TRIM35: variants seen among roughly 807,000 people sequenced by gnomAD.
TRIM35 encodes E3 ubiquitin-protein ligase TRIM35.
Under a neutral mutation model 49.1 loss-of-function variants are expected in TRIM35, and 37 were observed. The observed-to-expected ratio is 0.75, with a 90% confidence interval of 0.58 to 0.99. The LOEUF (loss-of-function observed/expected upper bound fraction) is 0.99, where lower values mean the gene tolerates loss of function less well. Ranked by LOEUF, TRIM35 falls within the 50% of genes least tolerant of loss-of-function variation. TRIM35 has a pLI of 0.00. For synonymous variants in TRIM35, 302 were observed against 289.3 expected (o/e 1.04, Z -0.45); for missense variants, 648 against 702.7 (o/e 0.92, Z 0.88).
chr8:27,297,420 G>A (rs1272762227), intron 2 of TRIM35, among the ~76,000 whole-genome samples: 2 of 152,222 alleles, frequency 1.3e-5, no homozygotes, highest in Admixed American at 1.3e-4. Flanking sequence ...GTGCCAGGCA[G>A]AACAACCAGA....
At position 27,286,454 on chromosome 8, in the gene TRIM35, G is replaced by A. The variant is rs978761172; in HGVS notation, c.*1096C>T. 2 of 270,004 alleles carry A rather than the reference G, an allele frequency of 7.4e-6. No homozygotes were observed. Among genetic ancestry groups the A allele is most frequent in the South Asian group, 7.5e-5 (2 of 26,770 alleles). The allele number at this position is 270,004 out of a possible 1,614,324, so 16.7% of individuals were successfully genotyped here. A position where few individuals can be genotyped will look rare whatever the true frequency, so the allele number is the denominator to read the frequency against. On this transcript the variant is annotated 3_prime_UTR_variant, in exon 6 of 6. Coordinates refer to ENST00000305364, the MANE Select transcript of TRIM35 (RefSeq NM_171982.5). The stretch of plus-strand genomic sequence containing the variant: ...CCCTCTTTCCTTCTTTTCTGCAGAC[G>A]CTGATGAGAATTAACCAGAGGAACT...
At chr8:27,303,721 C>T (rs1206697539) in intron 1 of TRIM35, among the ~76,000 whole-genome samples, 2 of 152,104 alleles carry the variant, frequency 1.3e-5, no homozygotes, top group African/African-American at 4.8e-5. Context: ...GAGATAGAGT[C>T]TCATTCTTCT....
rs544691347 is a variant in TRIM35, at chr8:27,289,543, G to A, written c.786-263C>T. ...TACAAACAGGAGGTTCTCCAACATG[G>A]CTGCCATCCTTGCAGGCAGAAATCA... On this transcript the variant is annotated intron_variant, in intron 4 of 5. Coordinates refer to ENST00000305364, the MANE Select transcript of TRIM35 (RefSeq NM_171982.5). Among the ~76,000 whole-genome samples, 21 of 152,320 alleles carry A rather than the reference G, an allele frequency of 1.4e-4. No homozygotes were observed. In the South Asian group the frequency reaches 4.1e-3, roughly 30 times the overall value.
At chr8:27,302,042 A>T (rs1014880755) in intron 1 of TRIM35, among the ~76,000 whole-genome samples, 3 of 152,232 alleles carry the variant, frequency 2.0e-5, no homozygotes, top group Non-Finnish European at 4.4e-5. Context: ...CCTTGTGCCA[A>T]CATCACACAG....
At chr8:27,288,673 C>T (rs1239728833) in intron 5 of TRIM35, among the ~76,000 whole-genome samples, 1 of 152,144 alleles carries the variant, frequency 6.6e-6, no homozygotes, top group Non-Finnish European at 1.5e-5. Flanking sequence ...AGTTTGTGGT[C>T]CTTCGTTATG....
intron 2 of TRIM35, among the ~76,000 whole-genome samples, chr8:27,297,366 A>G (rs954511379): frequency 6.6e-6 from 1 of 152,258 alleles, no homozygotes; most frequent in Non-Finnish European, 1.5e-5. Flanking sequence ...ATCAACAGTC[A>G]GAAACAAGGT....
At position 27,288,147 on chromosome 8, in the gene TRIM35, T is replaced by C. The variant is rs201516602; in HGVS notation, c.905-20A>G. Reference sequence around the variant, plus strand: ...AGGGTACTGCAAGCAGAGGCGGAAATGGGGAATCAGCAAACCTGAGGTCCC... The same window carrying C: ...AGGGTACTGCAAGCAGAGGCGGAAACGGGGAATCAGCAAACCTGAGGTCCC... On this transcript the variant is annotated intron_variant, in intron 5 of 5. Transcript: ENST00000305364. 420 of 1,587,272 alleles carry C rather than the reference T, an allele frequency of 2.6e-4. No homozygotes were observed. The highest frequency in any genetic ancestry group is 3.7e-4 in the Admixed American group (22 of 59,318).
In TRIM35 at chr8:27,309,228, C is replaced by G. The variant is rs150214232; in HGVS notation, c.435+1573G>C. On this transcript the variant is annotated intron_variant, in intron 1 of 5. Transcript: ENST00000305364. Reference sequence around the variant, plus strand: ...TCAGCACCTCGGCCAGCCAAATAGGCATCAGTCATGACCTGAACCATGATC... The same window carrying G: ...TCAGCACCTCGGCCAGCCAAATAGGGATCAGTCATGACCTGAACCATGATC... Among the ~76,000 whole-genome samples the G allele has an allele frequency of 5.0e-3, 766 of 152,338 alleles. 9 individuals carry two copies. Among genetic ancestry groups the G allele is most frequent in the African/African-American group, 0.018 (742 of 41,590 alleles).
Position 27,287,801 on chromosome 8 carries a change from C to T in TRIM35, c.1231G>A (p.Val411Met), listed in dbSNP as rs755871025. The change falls in exon 6 of 6, where the codon GTG becomes ATG. Residue 411 changes from valine to methionine, a missense_variant. By Grantham distance (21) the Val-to-Met change is conservative. Transcript: ENST00000305364. The surrounding 1 kb of genome is among the most constrained non-coding windows in gnomAD (Gnocchi z 6.0). ...RTQGVEGDHC[V>M]TSDPATSPLV... Reference sequence around the variant, plus strand: ...GGCGACGTGGCTGGGTCCGAGGTCACGCAGTGGTCCCCCTCCACGCCCTGC... The same window carrying T: ...GGCGACGTGGCTGGGTCCGAGGTCATGCAGTGGTCCCCCTCCACGCCCTGC... The T allele has an allele frequency of 8.1e-6, 13 of 1,610,726 alleles. No homozygotes were observed. Among genetic ancestry groups the T allele is most frequent in the African/African-American group, 8.0e-5 (6 of 74,908 alleles).
rs145840743 is a variant in TRIM35, at chr8:27,286,851, G to A, written c.*699C>T. On this transcript the variant is annotated 3_prime_UTR_variant, in exon 6 of 6. Transcript: ENST00000305364. ...CTTTCCTATGGAAACCAACTAATCC[G>A]GAGCGATGGCGCCAGCTGCCTCCTT... 3.1e-3 allele frequency: 476 copies of A among 152,748 alleles called. 3 individuals are homozygous for A. Among genetic ancestry groups the A allele is most frequent in the Middle Eastern group, 6.8e-3 (2 of 294 alleles). The allele number at this position is 152,748 out of a possible 1,614,324, so 9.5% of individuals were successfully genotyped here. A position where few individuals can be genotyped will look rare whatever the true frequency, so the allele number is the denominator to read the frequency against.
At chr8:27,310,653 C>T in intron 1 of TRIM35, 148 bp downstream of exon 1, 1 of 909,546 alleles carries the variant, frequency 1.1e-6, no homozygotes, top group Admixed American at 2.9e-5. Flanking sequence ...GCCCTGAGAA[C>T]CTGGGTCGGA....
intron 1 of TRIM35, among the ~76,000 whole-genome samples, chr8:27,302,783 A>G (rs917747416): frequency 1.8e-4 from 28 of 152,238 alleles, no homozygotes; most frequent in African/African-American, 6.8e-4. Flanking sequence ...GCATTCACCT[A>G]AACTTATTAA....
intron 2 of TRIM35, among the ~76,000 whole-genome samples, chr8:27,296,109 A>G (rs76592824): frequency 0.014 from 2,170 of 151,728 alleles, 63 homozygotes; most frequent in African/African-American, 0.05. Context: ...GGCTGAAAAG[A>G]CTGATAATGT....
At chr8:27,303,202 G>A (rs1219010519) in intron 1 of TRIM35, among the ~76,000 whole-genome samples, 1 of 151,950 alleles carries the variant, frequency 6.6e-6, no homozygotes, top group Non-Finnish European at 1.5e-5. Context: ...ACAGAATTAG[G>A]TTTCGTTTTC....
At chr8:27,298,612 G>A in intron 1 of TRIM35, 53 bp from the exon 2 acceptor site, 1 of 1,418,026 alleles carries the variant, frequency 7.1e-7, no homozygotes, top group South Asian at 1.2e-5. Flanking sequence ...TGGAGGCTGG[G>A]CAGAGAGGGC....
intron 1 of TRIM35, among the ~76,000 whole-genome samples, chr8:27,309,502 T>C (rs1802855929): frequency 6.6e-6 from 1 of 151,936 alleles, no homozygotes; most frequent in Non-Finnish European, 1.5e-5. Context: ...TTTAAAAAGG[T>C]ATTGCAAAAA....
Position 27,287,462 on chromosome 8 carries a change from G to T in TRIM35, c.*88C>A. 1 of 1,340,124 alleles carries T rather than the reference G, an allele frequency of 7.5e-7. No homozygotes were observed. Among genetic ancestry groups the T allele is most frequent in the Non-Finnish European group, 1.0e-6 (1 of 993,350 alleles). 83.0% of individuals were successfully genotyped at this position (1,340,124 alleles called of 1,614,324 possible). A position where few individuals can be genotyped will look rare whatever the true frequency, so the allele number is the denominator to read the frequency against. The stretch of plus-strand genomic sequence containing the variant: ...AAGAGCCTGGCAAGGAGGCAGGGGC[G>T]CAATAGTGCCCAAGCAGTGTGGGCA... On this transcript the variant is annotated 3_prime_UTR_variant, in exon 6 of 6. Coordinates refer to ENST00000305364, the MANE Select transcript of TRIM35 (RefSeq NM_171982.5). This position sits in a 1 kb window ranked among gnomAD's most constrained non-coding sequence, Gnocchi z 6.0.
intron 1 of TRIM35, among the ~76,000 whole-genome samples, chr8:27,306,197 G>C (rs1802780867): frequency 6.6e-6 from 1 of 152,128 alleles, no homozygotes; most frequent in Non-Finnish European, 1.5e-5. Context: ...CTGTGTCTGA[G>C]GATGTTTTCA....
At chr8:27,294,028 T>G in intron 3 of TRIM35, 52 bp downstream of exon 3, 1 of 1,574,270 alleles carries the variant, frequency 6.4e-7, no homozygotes, top group Non-Finnish European at 8.7e-7. Flanking sequence ...GGCTCCCAGC[T>G]GGTCCTGGAA....
Sources: gnomAD v4.1 joint callset for allele counts (sites outside exome capture counted in the v4.1 genomes callset) on GRCh38, gnomAD v4.1.1 for gene constraint, Gnocchi (gnomAD v3.1) non-coding constraint, MANE v1.5 for transcripts, NCBI Gene and HGNC (gene_info 2026-07-23, HGNC 2026-07-21) for gene names.